The following SDK1 variants were observed in gnomAD, a reference collection of about 807,000 sequenced individuals.
SDK1 encodes the protein protein sidekick-1.
Under a neutral mutation model 245.5 loss-of-function variants are expected in SDK1, and 157 were observed. The observed-to-expected ratio is 0.64, with a 90% CI of 0.56 to 0.73. SDK1 has a LOEUF of 0.73. Among genes scored for constraint, SDK1 ranks in the 30% least tolerant of loss-of-function variants. The pLI is 0.00. For synonymous variants in SDK1, 1,647 were observed against 1,278.5 expected (o/e 1.29, Z -6.15); for missense variants, 3,583 against 3,002.3 (o/e 1.19, Z -4.52).
intron 1 of SDK1, among the ~76,000 whole-genome samples, chr7:3,385,044 A>G (rs1182849634): frequency 1.3e-5 from 2 of 152,150 alleles, no homozygotes; most frequent in African/African-American, 4.8e-5. Context: ...TGAAACATCA[A>G]ACACAAACAG....
chr7:4,267,792 T>C lies in SDK1; in HGVS notation c.*2408T>C. 1.0e-6 allele frequency: 1 copy of C among 985,502 alleles called. No individual in the cohort carries two copies. The highest frequency in any genetic ancestry group is 1.2e-6 in the Non-Finnish European group (1 of 829,968). The allele number at this position is 985,502 out of a possible 1,614,324, so 61.0% of individuals were successfully genotyped here. A position where few individuals can be genotyped will look rare whatever the true frequency, so the allele number is the denominator to read the frequency against. ...CCTCCACTCTTAGTAAACCTTGATC[T>C]GTACGGAGCGGCCTGTCCGAGGCTA... On this transcript the variant is annotated 3_prime_UTR_variant, in exon 45 of 45. Coordinates refer to ENST00000404826, the MANE Select transcript of SDK1 (RefSeq NM_152744.4).
intron 1 of SDK1, among the ~76,000 whole-genome samples, chr7:3,431,812 T>A (rs1447403125): frequency 6.6e-6 from 1 of 152,102 alleles, no homozygotes; most frequent in Non-Finnish European, 1.5e-5. Context: ...GAAACATAGG[T>A]GCATTCATAT....
chr7:3,796,739 C>G (rs1778970390), intron 4 of SDK1, among the ~76,000 whole-genome samples: 2 of 152,168 alleles, frequency 1.3e-5, no homozygotes, highest in South Asian at 4.1e-4. Flanking sequence ...GAGTATTTTT[C>G]AAATATGCAG....
intron 38 of SDK1, among the ~76,000 whole-genome samples, chr7:4,218,198 G>A (rs1784938879): frequency 6.6e-6 from 1 of 152,154 alleles, no homozygotes; most frequent in South Asian, 2.1e-4. Context: ...GAGGTCAGGA[G>A]TTTAAGACCA....
intron 43 of SDK1, 148 bp downstream of exon 43, chr7:4,242,061 A>G: frequency 2.3e-6 from 2 of 879,766 alleles, no homozygotes; most frequent in South Asian, 1.7e-5. Flanking sequence ...CTCCCAAACC[A>G]CCAGGGGCAG....
intron 1 of SDK1, among the ~76,000 whole-genome samples, chr7:3,552,539 A>T (rs1779451839): frequency 6.6e-6 from 1 of 152,006 alleles, no homozygotes; most frequent in African/African-American, 2.4e-5. Context: ...TATGATCCAT[A>T]TTTTTTCCTT....
At chr7:3,918,686 T>A (rs1410208739) in intron 5 of SDK1, among the ~76,000 whole-genome samples, 1 of 152,198 alleles carries the variant, frequency 6.6e-6, no homozygotes, top group Non-Finnish European at 1.5e-5. Flanking sequence ...CTGTCTTCTG[T>A]GAAACCAGTC....
At chr7:4,070,857 G>C (rs1780210497) in intron 20 of SDK1, among the ~76,000 whole-genome samples, 1 of 152,020 alleles carries the variant, frequency 6.6e-6, no homozygotes, top group South Asian at 2.1e-4. Context: ...CTACAGGCGT[G>C]AGCCACCACG....
intron 40 of SDK1, chr7:4,227,266 T>C: frequency 4.8e-6 from 2 of 417,694 alleles, no homozygotes; most frequent in East Asian, 7.2e-5. Flanking sequence ...TGCTTGTCTT[T>C]CTCATAAGCT....
intron 5 of SDK1, among the ~76,000 whole-genome samples, chr7:3,897,982 C>T (rs931768920): frequency 6.6e-6 from 1 of 152,006 alleles, no homozygotes; most frequent in African/African-American, 2.4e-5. Context: ...GCCCTCCTTT[C>T]CTTCCATGTG....
Position 3,909,359 on chromosome 7 carries a change from G to A in SDK1, c.848-41564G>A, listed in dbSNP as rs566774760. 1.7e-4 allele frequency among the ~76,000 whole-genome samples: 26 copies of A among 152,332 alleles called. No homozygotes were observed. In the South Asian group the frequency reaches 5.4e-3, roughly 32 times the overall value. ...GGCGGACACCCCATCTACTGTGCAG[G>A]CACTGCTGTTGGCTCCTGTGGAGCA... On this transcript the variant is annotated intron_variant, in intron 5 of 44. Coordinates refer to ENST00000404826, the MANE Select transcript of SDK1 (RefSeq NM_152744.4).
intron 5 of SDK1, among the ~76,000 whole-genome samples, chr7:3,825,343 C>T (rs1044987079): frequency 1.4e-5 from 2 of 142,920 alleles, no homozygotes; most frequent in Admixed American, 1.4e-4. Context: ...AAAAAAAAGC[C>T]ACAGGCGATG....
intron 1 of SDK1, among the ~76,000 whole-genome samples, chr7:3,390,947 T>C (rs11769073): frequency 0.023 from 3,482 of 152,298 alleles, 81 homozygotes; most frequent in Non-Finnish European, 0.035. Context: ...AAATTAATTT[T>C]TAAGCACCCA....
chr7:3,786,352 C>G (rs926465549), intron 4 of SDK1, among the ~76,000 whole-genome samples: 3 of 152,122 alleles, frequency 2.0e-5, no homozygotes, highest in Admixed American at 1.3e-4. Context: ...TAGAGGAATA[C>G]GTGATATTAA....
intron 5 of SDK1, among the ~76,000 whole-genome samples, chr7:3,903,105 A>C (rs1346798206): frequency 6.6e-6 from 1 of 151,728 alleles, no homozygotes; most frequent in Non-Finnish European, 1.5e-5. Context: ...CACTAGGATG[A>C]CAGGTTTTTT....
At chr7:3,588,762 T>A (rs908621928) in intron 1 of SDK1, among the ~76,000 whole-genome samples, 1 of 152,220 alleles carries the variant, frequency 6.6e-6, no homozygotes, top group African/African-American at 2.4e-5. Flanking sequence ...TAAAATAGTT[T>A]ATTATATGTG....
At chr7:3,849,022 G>A (rs1055379109) in intron 5 of SDK1, among the ~76,000 whole-genome samples, 2 of 152,146 alleles carry the variant, frequency 1.3e-5, no homozygotes, top group African/African-American at 4.8e-5. Flanking sequence ...CCCCCTTGAG[G>A]CCCAGCGCAT....
At chr7:3,912,061 G>T (rs1308124849) in intron 5 of SDK1, among the ~76,000 whole-genome samples, 1 of 152,180 alleles carries the variant, frequency 6.6e-6, no homozygotes, top group African/African-American at 2.4e-5. Context: ...TTAGAACAAA[G>T]GATCGGCCAA....
At chr7:3,656,687 C>T (rs187760236) in intron 4 of SDK1, among the ~76,000 whole-genome samples, 1 of 151,844 alleles carries the variant, frequency 6.6e-6, no homozygotes, top group African/African-American at 2.4e-5. Context: ...AACTCTCTCT[C>T]ATGACAAGCC....
Sources: gnomAD v4.1 joint callset for allele counts (sites outside exome capture counted in the v4.1 genomes callset) on GRCh38, gnomAD v4.1.1 for gene constraint, MANE v1.5 for transcripts, NCBI Gene and HGNC (gene_info 2026-07-23, HGNC 2026-07-21) for gene names.